The following ZNF804B variants were observed in gnomAD, a reference collection of about 807,000 sequenced individuals.
ZNF804B encodes zinc finger protein 804B, also known as zinc finger 804B.
A neutral mutation model predicts 101.4 loss-of-function variants in ZNF804B; 80 were observed. The observed-to-expected ratio is 0.79, with a 90% CI of 0.66 to 0.95. The LOEUF is 0.95. Ranked by LOEUF, ZNF804B falls within the 40% of genes least tolerant of loss-of-function variation. ZNF804B has a pLI of 0.00. For missense variants in ZNF804B, 1,673 were observed against 1,561.9 expected (o/e 1.07, Z -1.20); for synonymous variants, 622 against 558.8 (o/e 1.11, Z -1.59).
intron 1 of ZNF804B, among the ~76,000 whole-genome samples, chr7:88,957,613 G>T (rs1056435566): frequency 6.6e-6 from 1 of 151,290 alleles, no homozygotes; most frequent in Non-Finnish European, 1.5e-5. Flanking sequence ...TGTGACTGAA[G>T]TTTTGAAAAA....
intron 1 of ZNF804B, among the ~76,000 whole-genome samples, chr7:89,098,288 T>G (rs1789998501): frequency 6.6e-6 from 1 of 150,854 alleles, no homozygotes. Context: ...TTTTTTTTTT[T>G]TGAGATAGAG....
intron 2 of ZNF804B, among the ~76,000 whole-genome samples, chr7:89,271,564 G>C (rs1208845): frequency 0.77 from 116,737 of 151,972 alleles, 45,964 homozygotes; most frequent in African/African-American, 0.93. Context: ...GCTTTGGTAT[G>C]AGGATGATGC....
intron 2 of ZNF804B, among the ~76,000 whole-genome samples, chr7:89,232,985 G>T (rs952501325): frequency 6.6e-6 from 1 of 152,028 alleles, no homozygotes; most frequent in Non-Finnish European, 1.5e-5. Context: ...GCAGTGGCGC[G>T]ATCTCCACTC....
At chr7:89,082,801 T>C (rs183666465) in intron 1 of ZNF804B, among the ~76,000 whole-genome samples, 449 of 151,884 alleles carry the variant, frequency 3.0e-3, no homozygotes, top group Middle Eastern at 0.01. Flanking sequence ...GGAAGACATG[T>C]GTAGCGATCT....
intron 1 of ZNF804B, among the ~76,000 whole-genome samples, chr7:89,045,700 AT>A (rs1185728711): frequency 2.6e-5 from 4 of 152,114 alleles, no homozygotes; most frequent in Non-Finnish European, 5.9e-5. Flanking sequence ...ATTTCGTCTC[AT>A]TTGGAACTGG....
intron 2 of ZNF804B, among the ~76,000 whole-genome samples, chr7:89,251,510 A>G (rs545456096): frequency 2.6e-5 from 4 of 152,184 alleles, no homozygotes; most frequent in African/African-American, 9.6e-5. Flanking sequence ...ATCATTAAAA[A>G]TCCATACTGC....
intron 1 of ZNF804B, among the ~76,000 whole-genome samples, chr7:89,102,049 A>G (rs1334332244): frequency 6.6e-6 from 1 of 151,958 alleles, no homozygotes; most frequent in East Asian, 1.9e-4. Context: ...CATGGTATAT[A>G]TACACCACAT....
chr7:88,970,768 T>C (rs1793524031), intron 1 of ZNF804B, among the ~76,000 whole-genome samples: 1 of 123,048 alleles, frequency 8.1e-6, no homozygotes, highest in African/African-American at 3.2e-5. Context: ...AATTGAACAA[T>C]GAGAACACAA....
chr7:89,267,079 A>G (rs920931342), intron 2 of ZNF804B, among the ~76,000 whole-genome samples: 1 of 152,142 alleles, frequency 6.6e-6, no homozygotes, highest in African/African-American at 2.4e-5. Flanking sequence ...TGGTTATTTT[A>G]TCATTCTGCA....
chr7:89,135,660 T>A (rs1292874927), intron 1 of ZNF804B, among the ~76,000 whole-genome samples: 8 of 152,128 alleles, frequency 5.3e-5, no homozygotes, highest in Admixed American at 5.2e-4. Flanking sequence ...TGCACAAGGA[T>A]GATATTAAGG....
At chr7:88,826,725 A>G (rs539276408) in intron 1 of ZNF804B, among the ~76,000 whole-genome samples, 149 of 152,228 alleles carry the variant, frequency 9.8e-4, no homozygotes, top group African/African-American at 3.4e-3. Context: ...GGCAATGGGA[A>G]TTATTTTTAA....
intron 1 of ZNF804B, among the ~76,000 whole-genome samples, chr7:88,873,731 C>G (rs1477842018): frequency 6.6e-6 from 1 of 151,978 alleles, no homozygotes; most frequent in Non-Finnish European, 1.5e-5. Flanking sequence ...TATGGAATCC[C>G]TTTTGCATTG....
chr7:89,028,028 C>A (rs1788777479), intron 1 of ZNF804B, among the ~76,000 whole-genome samples: 1 of 152,142 alleles, frequency 6.6e-6, no homozygotes, highest in South Asian at 2.1e-4. Context: ...TAATAAAGTG[C>A]TTTCTTTACA....
chr7:88,795,724 C>T (rs1393217089), intron 1 of ZNF804B: 1 of 152,120 alleles, frequency 6.6e-6, no homozygotes, highest in African/African-American at 2.4e-5. Context: ...AACTGCCAGT[C>T]CTCTGGTGTT....
intron 1 of ZNF804B, among the ~76,000 whole-genome samples, chr7:89,047,556 G>T (rs1362252205): frequency 6.6e-6 from 1 of 152,106 alleles, no homozygotes; most frequent in Non-Finnish European, 1.5e-5. Flanking sequence ...ATACTTCAAG[G>T]GTGGGAAGAA....
At chr7:88,993,568 A>C (rs1446532605) in intron 1 of ZNF804B, among the ~76,000 whole-genome samples, 1 of 152,060 alleles carries the variant, frequency 6.6e-6, no homozygotes, top group Non-Finnish European at 1.5e-5. Context: ...CAAATGCTAG[A>C]ATTATCCTCT....
At chr7:88,839,861 T>C (rs577090565) in intron 1 of ZNF804B, among the ~76,000 whole-genome samples, 2 of 151,972 alleles carry the variant, frequency 1.3e-5, no homozygotes, top group Non-Finnish European at 2.9e-5. Flanking sequence ...TCAAATAATC[T>C]ATACATAGCA....
intron 1 of ZNF804B, among the ~76,000 whole-genome samples, chr7:88,968,676 A>G (rs1011418995): frequency 1.3e-5 from 2 of 151,616 alleles, no homozygotes; most frequent in East Asian, 2.0e-4. Flanking sequence ...ATTGCTTTCA[A>G]ATTGTAAGGA....
chr7:88,918,366 T>G (rs1292826243), intron 1 of ZNF804B, among the ~76,000 whole-genome samples: 1 of 152,214 alleles, frequency 6.6e-6, no homozygotes, highest in East Asian at 1.9e-4. Context: ...ACTTTAGATC[T>G]CTTACTGTCA....
Sources: allele counts gnomAD v4.1 joint callset (sites outside exome capture counted in the v4.1 genomes callset), GRCh38; gene constraint gnomAD v4.1.1; transcripts MANE v1.5; gene names NCBI Gene and HGNC (gene_info 2026-07-23, HGNC 2026-07-21).